HK1: variants seen among roughly 807,000 people sequenced by gnomAD.
HK1 encodes the protein hexokinase-1.
A neutral mutation model predicts 91.6 loss-of-function variants in HK1; 28 were observed. The ratio of observed to expected loss-of-function variants is 0.31; its 90% confidence interval spans 0.23 to 0.42. The LOEUF (loss-of-function observed/expected upper bound fraction) is 0.42, where lower values mean the gene tolerates loss of function less well. Among genes scored for constraint, HK1 ranks in the 10% least tolerant of loss-of-function variants. HK1 has a pLI of 1.00. For synonymous variants in HK1, 430 were observed against 468.1 expected, an observed-to-expected ratio of 0.92 and a Z score of 1.05; for missense variants, 770 against 1,219.8, an observed-to-expected ratio of 0.63 and a Z score of 5.49.
At chr10:69,371,328 C>T (rs1339532947) in intron 7 of HK1, among the ~76,000 whole-genome samples, 2 of 149,112 alleles carry the variant, frequency 1.3e-5, no homozygotes, top group African/African-American at 5.0e-5. Flanking sequence ...CCCCCCCCAC[C>T]CCGCCCAATC....
At chr10:69,365,044 A>T (rs1179576945) in intron 4 of HK1, 142 bp downstream of exon 4, 1 of 926,446 alleles carries the variant, frequency 1.1e-6, no homozygotes, top group East Asian at 2.5e-5. Flanking sequence ...TGCAGAAGTT[A>T]GTGTGGTATC....
intron 1 of HK1, among the ~76,000 whole-genome samples, chr10:69,277,788 T>C (rs1372016908): frequency 6.6e-6 from 1 of 152,072 alleles, no homozygotes; most frequent in African/African-American, 2.4e-5. Flanking sequence ...ATCCCAGCAC[T>C]TTGGGAGGCC....
intron 1 of HK1, among the ~76,000 whole-genome samples, chr10:69,333,442 G>A (rs1468860744): frequency 6.6e-6 from 1 of 152,156 alleles, no homozygotes; most frequent in Non-Finnish European, 1.5e-5. Context: ...CACATTCCAG[G>A]GCTGTTCTGT....
intron 1 of HK1, among the ~76,000 whole-genome samples, chr10:69,278,231 C>A (rs1466575235): frequency 1.3e-5 from 2 of 152,214 alleles, no homozygotes; most frequent in Admixed American, 1.3e-4. Context: ...TTTCCTCTGA[C>A]ATCTGAAGCA....
At chr10:69,309,383 G>A (rs1416101416) in intron 5 of HK1, among the ~76,000 whole-genome samples, 1 of 146,914 alleles carries the variant, frequency 6.8e-6, no homozygotes, top group East Asian at 2.1e-4. Context: ...GGGTTTCACT[G>A]TGCTAGCCAG....
At chr10:69,299,755 G>T (rs1845758670) in intron 4 of HK1, among the ~76,000 whole-genome samples, 1 of 151,532 alleles carries the variant, frequency 6.6e-6, no homozygotes, top group African/African-American at 2.4e-5. Context: ...TCTGGCTCCT[G>T]TGTTCAAGCA....
intron 3 of HK1, chr10:69,292,377 A>G (rs995010312): frequency 2.5e-5 from 11 of 444,614 alleles, no homozygotes; most frequent in African/African-American, 1.0e-4. Flanking sequence ...CCAGCTTAGG[A>G]CCTTGATTAT....
intron 1 of HK1, among the ~76,000 whole-genome samples, chr10:69,275,326 G>A (rs545037536): frequency 1.3e-5 from 2 of 151,358 alleles, no homozygotes; most frequent in South Asian, 4.2e-4. Flanking sequence ...TTTGAGACCA[G>A]CCTGAGCAAC....
intron 1 of HK1, among the ~76,000 whole-genome samples, chr10:69,326,156 T>G (rs1240094233): frequency 1.3e-5 from 2 of 151,804 alleles, no homozygotes; most frequent in Non-Finnish European, 2.9e-5. Context: ...TTTAATGGCT[T>G]TTTGTCTCTG....
At chr10:69,285,810 G>C (rs1845002681) in intron 2 of HK1, among the ~76,000 whole-genome samples, 1 of 152,184 alleles carries the variant, frequency 6.6e-6, no homozygotes, top group African/African-American at 2.4e-5. Flanking sequence ...GTTTCTACAT[G>C]ACCTCTAGAC....
At chr10:69,324,658 C>T (rs1206276977) in intron 1 of HK1, among the ~76,000 whole-genome samples, 1 of 152,186 alleles carries the variant, frequency 6.6e-6, no homozygotes, top group African/African-American at 2.4e-5. Flanking sequence ...GGGCCCACAG[C>T]ATGGTGTGGT....
chr10:69,304,275 ATTATTTATTTATTTATTTATTTATTTAT>A lies in HK1; in HGVS notation c.27+3433_27+3460del, dbSNP rs141139312. ...ATCATCTTGTTGTATTTTTATTTTT[ATTATTTATTTATTTATTTATTTATTTAT>A]TTATTTATTTATTTATTTTTGGGGG... On this transcript the variant is annotated intron_variant, in intron 5 of 21. Transcript: ENST00000360289. Among the ~76,000 whole-genome samples, 149 of 143,436 alleles carry A rather than the reference ATTATTTATTTATTTATTTATTTATTTAT, an allele frequency of 1.0e-3. 4 individuals carry two copies. In the East Asian group the frequency reaches 0.029, roughly 28 times the overall value. 94.1% of individuals were successfully genotyped at this position (143,436 alleles called of 152,430 possible).
intron 1 of HK1, among the ~76,000 whole-genome samples, chr10:69,322,350 C>G (rs1847084610): frequency 6.6e-6 from 1 of 152,230 alleles, no homozygotes; most frequent in South Asian, 2.1e-4. Flanking sequence ...AAAATATATC[C>G]TGGGTTGAAA....
At chr10:69,338,643 A>G (rs1432031611) in intron 1 of HK1, 1 of 1,287,986 alleles carries the variant, frequency 7.8e-7, no homozygotes. Context: ...ATGTGGAGGC[A>G]GCACCTAAGA....
At chr10:69,379,241 A>T (rs919508273) in intron 8 of HK1, among the ~76,000 whole-genome samples, 11 of 152,228 alleles carry the variant, frequency 7.2e-5, no homozygotes, top group African/African-American at 2.7e-4. Flanking sequence ...AAATATGTAC[A>T]TATTTTAAAA....
intron 17 of HK1, among the ~76,000 whole-genome samples, chr10:69,400,498 C>T (rs746925760): frequency 6.7e-4 from 102 of 152,194 alleles, no homozygotes; most frequent in African/African-American, 2.4e-3. Flanking sequence ...ATATTCATTC[C>T]TGCATAGCCT....
chr10:69,308,899 G>T (rs1846228087), intron 5 of HK1, among the ~76,000 whole-genome samples: 1 of 152,188 alleles, frequency 6.6e-6, no homozygotes, highest in Non-Finnish European at 1.5e-5. Context: ...AGGCGGTAAT[G>T]CTCGCTCACC....
chr10:69,361,302 T>C (rs868342971), intron 3 of HK1, among the ~76,000 whole-genome samples: 1 of 152,348 alleles, frequency 6.6e-6, no homozygotes, highest in Non-Finnish European at 1.5e-5. Context: ...CTACTCCCAT[T>C]ACTGGGGCTG....
chr10:69,394,803 C>G, intron 15 of HK1, 147 bp from the exon 16 acceptor site: 3 of 786,802 alleles, frequency 3.8e-6, no homozygotes, highest in Non-Finnish European at 6.6e-6. Context: ...CCCACTCTGC[C>G]TCTGCGGCAG....
Sources: gnomAD v4.1 joint callset for allele counts (sites outside exome capture counted in the v4.1 genomes callset) on GRCh38, gnomAD v4.1.1 for gene constraint, MANE v1.5 for transcripts, NCBI Gene and HGNC (gene_info 2026-07-23, HGNC 2026-07-21) for gene names.